The following MON1A variants were observed in gnomAD, a reference collection of about 807,000 sequenced individuals.
The protein encoded by MON1A is MON1 vesicular trafficking associated A.
In MON1A, 29 loss-of-function variants were observed where a neutral mutation model predicts 44.6. The observed-to-expected ratio is 0.65, with a 90% CI of 0.48 to 0.89. The LOEUF (loss-of-function observed/expected upper bound fraction) is 0.89, where lower values mean the gene tolerates loss of function less well. MON1A is among the 40% of genes least tolerant of loss of function. MON1A has a pLI of 0.00. For missense variants in MON1A, 615 were observed against 759.6 expected (o/e 0.81, Z 2.24); for synonymous variants, 275 against 316.4 (o/e 0.87, Z 1.39).
At chr3:49,917,426 T>C (rs1293148857) in intron 1 of MON1A, among the ~76,000 whole-genome samples, 2 of 152,002 alleles carry the variant, frequency 1.3e-5, no homozygotes, top group African/African-American at 4.8e-5. Flanking sequence ...GCTGGGACTA[T>C]AGGCGCCCGC....
At chr3:49,929,315 A>C in intron 1 of MON1A, 1 of 493,098 alleles carries the variant, frequency 2.0e-6, no homozygotes, top group Non-Finnish European at 3.6e-6. Context: ...CTACCGGCCG[A>C]ATATGTGTAC....
rs35967703 is a variant in MON1A, at chr3:49,914,540, A to ATT, written c.-13-1183_-13-1182dup. On this transcript the variant is annotated intron_variant, in intron 1 of 5. Coordinates refer to ENST00000296473, the MANE Select transcript of MON1A (RefSeq NM_032355.4). ...AAGCACATGCCACTGCGCCTGCCTAATTTTTTTTTTTTTTTTTTTTTTTTT... is the reference window on the plus strand; with the variant it reads ...AAGCACATGCCACTGCGCCTGCCTAATTTTTTTTTTTTTTTTTTTTTTTTTTT... Among the ~76,000 whole-genome samples, 278 of 85,964 alleles carry ATT rather than the reference A, an allele frequency of 3.2e-3. 1 individual carries two copies. The highest frequency in any genetic ancestry group is 4.0e-3 in the East Asian group (15 of 3,724). 56.4% of individuals were successfully genotyped at this position (85,964 alleles called of 152,430 possible).
At chr3:49,924,987 C>A (rs1306118186) in intron 1 of MON1A, among the ~76,000 whole-genome samples, 1 of 152,172 alleles carries the variant, frequency 6.6e-6, no homozygotes, top group Non-Finnish European at 1.5e-5. Flanking sequence ...AAGCCACTCC[C>A]AAATTCTTGA....
At position 49,910,445 on chromosome 3, in the gene MON1A, G is replaced by A. The variant is rs2082862528; in HGVS notation, c.1053C>T (p.Leu351=). ...HPIDLHLLFN[L]ISSSSSFREG... ...CGCGAAAGGACGAGGAGGAACTAAT[G>A]AGGTTGAAGAGCAGGTGCAGGTCGA... Residue 351 remains leucine (L), a synonymous_variant, in exon 4 of 6, where the codon CTC becomes CTT. Coordinates refer to ENST00000296473, the MANE Select transcript of MON1A (RefSeq NM_032355.4). This position sits in a 1 kb window ranked among gnomAD's most constrained non-coding sequence, Gnocchi z 8.0. 1.9e-6 allele frequency: 3 copies of A among 1,614,252 alleles called. No individual in the cohort carries two copies. The highest frequency in any genetic ancestry group is 1.3e-5 in the African/African-American group (1 of 75,080).
At chr3:49,922,554 A>AGAAGGAGGGAAG (rs1375512416) in intron 1 of MON1A, among the ~76,000 whole-genome samples, 1 of 138,350 alleles carries the variant, frequency 7.2e-6, no homozygotes, top group Non-Finnish European at 1.6e-5. Context: ...AGGGAGGGAA[A>AGAAGGAGGGAAG]GAAGGAGGGA....
chr3:49,909,793 G>A lies in MON1A; in HGVS notation c.1379+326C>T. The A allele has an allele frequency of 2.9e-6, 1 of 350,766 alleles. No homozygotes were observed. The highest frequency in any genetic ancestry group is 5.2e-6 in the Non-Finnish European group (1 of 193,066). The allele number at this position is 350,766 out of a possible 1,614,324, so 21.7% of individuals were successfully genotyped here. A position where few individuals can be genotyped will look rare whatever the true frequency, so the allele number is the denominator to read the frequency against. On this transcript the variant is annotated intron_variant, in intron 4 of 5. Transcript: ENST00000296473. The surrounding 1 kb of genome is among the most constrained non-coding windows in gnomAD (Gnocchi z 4.0). ...TCTGCTGGGGGAGGGGGTGGAGGAG[G>A]GCTGTGCTTCCTGAGCTGGACCAAA...
In MON1A at chr3:49,913,355, C is replaced by T. The variant is rs1454566226; in HGVS notation, c.-9G>A. 2 of 1,609,994 alleles carry T rather than the reference C, an allele frequency of 1.2e-6. No homozygotes were observed. The highest frequency in any genetic ancestry group is 2.7e-5 in the African/African-American group (2 of 74,986). On this transcript the variant is annotated 5_prime_UTR_variant, in exon 2 of 6. Transcript: ENST00000296473. The stretch of plus-strand genomic sequence containing the variant: ...TGCATGTCAGTAGCCATCCTTTGAG[C>T]TCTCCTGTGGGGCAAACAAATGCAA...
rs1049008487 is a variant in MON1A, at chr3:49,928,332, T to C, written c.-14+1277A>G. Among the ~76,000 whole-genome samples, 14 of 152,166 alleles carry C rather than the reference T, an allele frequency of 9.2e-5. No homozygotes were observed. In the East Asian group the frequency reaches 1.2e-3, roughly 13 times the overall value. On this transcript the variant is annotated intron_variant, in intron 1 of 5. Transcript: ENST00000296473. ...ACAGCAAAATCCACCCCAACCCCCA[T>C]TGGAGCCACAACTGTGCAACTGAAG...
chr3:49,909,014 T>A lies in MON1A; in HGVS notation c.1668A>T (p.Ter556CysextTer13), dbSNP rs2082842491. Residue 556 changes from the stop codon to cysteine, a stop_lost, in exon 6 of 6, where the codon TGA (stop) becomes TGT (cysteine). Transcript: ENST00000296473. The surrounding 1 kb of genome is among the most constrained non-coding windows in gnomAD (Gnocchi z 4.0). ...RLFILTPLTY[*>C] ...AAGGCTGAGCCCGCACACATTCCCA[T>A]CAATAGGTGAGGGGCGTGAGAATGA... The A allele has an allele frequency of 6.2e-7, 1 of 1,611,196 alleles. No individual in the cohort carries two copies. The highest frequency in any genetic ancestry group is 1.7e-5 in the Admixed American group (1 of 59,682).
intron 1 of MON1A, among the ~76,000 whole-genome samples, chr3:49,921,249 C>T (rs952395480): frequency 6.6e-6 from 1 of 151,450 alleles, no homozygotes; most frequent in African/African-American, 2.4e-5. Flanking sequence ...GCTCCACCTC[C>T]TGGGTTCATG....
Position 49,911,897 on chromosome 3 carries a change from G to T in MON1A, c.242C>A (p.Pro81Gln). 1 of 1,613,936 alleles carries T rather than the reference G, an allele frequency of 6.2e-7. No homozygotes were observed. Among genetic ancestry groups the T allele is most frequent in the Non-Finnish European group, 8.5e-7 (1 of 1,179,994 alleles). ...DSHKEGTRGP[P>Q]PLPTDMRQIS... is the part of the protein sequence containing the mutation. ...CTGGCGCATGTCTGTAGGCAGCGGC[G>T]GGGGACCCCTGGTACCCTCCTTGTG... The change falls in exon 3 of 6, where the codon CCG (proline) becomes CAG (glutamine). Residue 81 changes from proline (P) to glutamine (Q), a missense_variant. Pro to Gln is a moderately conservative substitution (Grantham distance 76). Coordinates refer to ENST00000296473, the MANE Select transcript of MON1A (RefSeq NM_032355.4). The surrounding 1 kb of genome is among the most constrained non-coding windows in gnomAD (Gnocchi z 5.7).
At position 49,929,651 on chromosome 3, in the gene MON1A, A is replaced by G; in HGVS notation, c.-56T>C. 6.4e-7 allele frequency: 1 copy of G among 1,551,438 alleles called. No individual in the cohort carries two copies. The highest frequency in any genetic ancestry group is 8.7e-7 in the Non-Finnish European group (1 of 1,146,926). The stretch of plus-strand genomic sequence containing the variant: ...CCAGGACGCACAGAAGGTGCCGGTC[A>G]CTGCCCTCTGCCGGACCCATGGAGG... On this transcript the variant is annotated 5_prime_UTR_variant, in exon 1 of 6. An upstream open reading frame in the 5' UTR loses its in-frame stop. Transcript: ENST00000296473.
chr3:49,923,805 G>A (rs760365091), intron 1 of MON1A, among the ~76,000 whole-genome samples: 6 of 151,052 alleles, frequency 4.0e-5, no homozygotes, highest in East Asian at 2.0e-4. Flanking sequence ...GGAGTCGGCC[G>A]GGCACGGTTT....
rs773698342 is a variant in MON1A, at chr3:49,911,967, C to T, written c.172G>A (p.Glu58Lys). The T allele has an allele frequency of 4.3e-5, 70 of 1,610,496 alleles. No homozygotes were observed. Among genetic ancestry groups the T allele is most frequent in the Non-Finnish European group, 5.5e-5 (65 of 1,177,840 alleles). The change falls in exon 3 of 6, where the codon GAG becomes AAG. Residue 58 changes from glutamate (E) to lysine (K), a missense_variant. Glu to Lys is a moderately conservative substitution (Grantham distance 56, BLOSUM62 1). Transcript: ENST00000296473. This position sits in a 1 kb window ranked among gnomAD's most constrained non-coding sequence, Gnocchi z 5.7. ...GAMFVHARSY[E>K]DLTESEDGAA... is the part of the protein sequence containing the mutation. Reference sequence around the variant, plus strand: ...CCATCCTCTGACTCAGTCAGGTCCTCGTAGGAACGGGCATGGACGAACATG... The same window carrying T: ...CCATCCTCTGACTCAGTCAGGTCCTTGTAGGAACGGGCATGGACGAACATG...
chr3:49,928,880 C>A (rs1559497416), intron 1 of MON1A, among the ~76,000 whole-genome samples: 1 of 152,164 alleles, frequency 6.6e-6, no homozygotes, highest in Non-Finnish European at 1.5e-5. Flanking sequence ...GGTGGCTCAC[C>A]CAGTACAAGG....
In MON1A at chr3:49,909,902, T is replaced by G. The variant is rs528730885; in HGVS notation, c.1379+217A>C. The G allele has an allele frequency of 1.9e-3, 1,035 of 531,330 alleles. No homozygotes were observed. Among genetic ancestry groups the G allele is most frequent in the Middle Eastern group, 7.9e-3 (16 of 2,026 alleles). The allele number at this position is 531,330 out of a possible 1,614,324, so 32.9% of individuals were successfully genotyped here. ...TTCCTTCTCTGGGTATATTGGGCAT[T>G]TCCAGGCCTTCTGGTTAATAAAGTA... On this transcript the variant is annotated intron_variant, in intron 4 of 5. Coordinates refer to ENST00000296473, the MANE Select transcript of MON1A (RefSeq NM_032355.4). The surrounding 1 kb of genome is among the most constrained non-coding windows in gnomAD (Gnocchi z 4.0).
intron 1 of MON1A, among the ~76,000 whole-genome samples, chr3:49,917,432 C>A (rs1366507687): frequency 2.0e-5 from 3 of 152,020 alleles, no homozygotes; most frequent in African/African-American, 7.2e-5. Flanking sequence ...ACTATAGGCG[C>A]CCGCCACCAC....
intron 1 of MON1A, among the ~76,000 whole-genome samples, chr3:49,919,668 C>T (rs1237691542): frequency 6.6e-6 from 1 of 152,038 alleles, no homozygotes; most frequent in East Asian, 1.9e-4. Flanking sequence ...TTAGTAGAGA[C>T]GGGGTTTCAC....
Position 49,911,556 on chromosome 3 carries a change from C to T in MON1A, c.583G>A (p.Asp195Asn), listed in dbSNP as rs35446847. 8.7e-5 allele frequency: 140 copies of T among 1,612,908 alleles called. No homozygotes were observed. Among genetic ancestry groups the T allele is most frequent in the Non-Finnish European group, 1.1e-4 (132 of 1,179,304 alleles). Residue 195 changes from aspartate to asparagine, a missense_variant, in exon 3 of 6, where the codon GAC becomes AAC. By Grantham distance (23) the Asp-to-Asn change is conservative. Transcript: ENST00000296473. This position sits in a 1 kb window ranked among gnomAD's most constrained non-coding sequence, Gnocchi z 5.7. ...TGGATGGAGCGGATGGCGTTCTTGT[C>T]TGCCTCCAGGAAGGACACCAGGGCC... The part of the protein sequence containing the change: ...MVALVSFLEA[D>N]KNAIRSIHAD...
Sources: allele counts gnomAD v4.1 joint callset (sites outside exome capture counted in the v4.1 genomes callset), GRCh38; gene constraint gnomAD v4.1.1; non-coding constraint Gnocchi (gnomAD v3.1); transcripts MANE v1.5; gene names NCBI Gene and HGNC (gene_info 2026-07-23, HGNC 2026-07-21).